Variants in REDIC1 observed in about 807,000 individuals in gnomAD.
REDIC1 encodes regulator of DNA class I crossover intermediates 1, also known as HEI10 Interacting Protein 1.
chr12:39,812,395 TCTC>T, the REDIC1 span, among the ~76,000 whole-genome samples: 4 of 148,630 alleles, frequency 2.7e-5, no homozygotes, highest in Admixed American at 1.3e-4. Context: ...TCTTTCTCTC[TCTC>T]TTTCTTCCTT....
the REDIC1 span, chr12:39,647,904 C>A: frequency 6.2e-7 from 1 of 1,607,020 alleles, no homozygotes; most frequent in Non-Finnish European, 8.5e-7. Flanking sequence ...AGACATATTT[C>A]AAAACTAAAT....
At chr12:39,834,803 C>A in the REDIC1 span, among the ~76,000 whole-genome samples, 5 of 151,986 alleles carry the variant, frequency 3.3e-5, 1 homozygote, top group African/African-American at 1.2e-4. Context: ...TATTTTATGG[C>A]AAAATTCTTC....
At chr12:39,678,012 C>G in the REDIC1 span, among the ~76,000 whole-genome samples, 1 of 152,084 alleles carries the variant, frequency 6.6e-6, no homozygotes. Flanking sequence ...AATAGACAAT[C>G]TAAGGTCACA....
chr12:39,792,571 C>T, the REDIC1 span, among the ~76,000 whole-genome samples: 3 of 152,132 alleles, frequency 2.0e-5, no homozygotes, highest in Non-Finnish European at 2.9e-5. Flanking sequence ...AAGCCTCTGC[C>T]AGGTGTGTAT....
At chr12:39,829,930 A>G in the REDIC1 span, 1 of 827,052 alleles carries the variant, frequency 1.2e-6, no homozygotes. Flanking sequence ...CTCTGTGTGA[A>G]ACACACAATT....
chr12:39,906,608 G>A, the REDIC1 span, among the ~76,000 whole-genome samples: 5 of 152,224 alleles, frequency 3.3e-5, no homozygotes, highest in East Asian at 9.6e-4. Context: ...TTTCTGTCCT[G>A]CTGGGTCTAT....
At chr12:39,665,829 G>T in the REDIC1 span, among the ~76,000 whole-genome samples, 2 of 152,072 alleles carry the variant, frequency 1.3e-5, no homozygotes, top group Non-Finnish European at 2.9e-5. Context: ...TATTCTCTTG[G>T]AAGCAATTGT....
chr12:39,809,247 A>G, the REDIC1 span, among the ~76,000 whole-genome samples: 122,875 of 152,092 alleles, frequency 0.81, 49,859 homozygotes, highest in Non-Finnish European at 0.85. Context: ...CTATTTCTGG[A>G]CTTTATTCTG....
At chr12:39,888,124 C>T in the REDIC1 span, among the ~76,000 whole-genome samples, 1 of 152,208 alleles carries the variant, frequency 6.6e-6, no homozygotes, top group Non-Finnish European at 1.5e-5. Context: ...AGTAACAGTG[C>T]CATCTGGGCA....
chr12:39,713,329 C>G, the REDIC1 span, among the ~76,000 whole-genome samples: 1 of 141,882 alleles, frequency 7.0e-6, no homozygotes, highest in South Asian at 2.2e-4. Context: ...TGTGTATACA[C>G]ATATACGTGT....
the REDIC1 span, chr12:39,626,232 G>T: frequency 5.5e-6 from 7 of 1,281,348 alleles, no homozygotes; most frequent in African/African-American, 1.5e-5. Context: ...GGGCCCTGAC[G>T]TTGTCAGGAG....
the REDIC1 span, among the ~76,000 whole-genome samples, chr12:39,767,518 A>G: frequency 6.6e-6 from 1 of 152,060 alleles, no homozygotes; most frequent in Non-Finnish European, 1.5e-5. Context: ...TCTCCTAACA[A>G]GAGACCCAGC....
At chr12:39,790,506 G>T in the REDIC1 span, among the ~76,000 whole-genome samples, 1 of 150,900 alleles carries the variant, frequency 6.6e-6, no homozygotes, top group South Asian at 2.1e-4. Flanking sequence ...TGCTGAGAAT[G>T]ATGGTTTCCA....
At chr12:39,713,346 G>T in the REDIC1 span, among the ~76,000 whole-genome samples, 1 of 117,956 alleles carries the variant, frequency 8.5e-6, no homozygotes, top group African/African-American at 3.2e-5. Context: ...GTGTATATAT[G>T]TGTATACACA....
the REDIC1 span, among the ~76,000 whole-genome samples, chr12:39,801,899 A>AT: frequency 5.3e-5 from 8 of 152,224 alleles, no homozygotes; most frequent in Admixed American, 5.2e-4. Flanking sequence ...CAAACTAATT[A>AT]TTGAACCAGG....
chr12:39,700,726 ACAGTG>A, the REDIC1 span, among the ~76,000 whole-genome samples: 2 of 151,914 alleles, frequency 1.3e-5, no homozygotes, highest in Non-Finnish European at 1.5e-5. Flanking sequence ...CATCAGACTA[ACAGTG>A]GATCTCTCAG....
At chr12:39,742,410 G>A in the REDIC1 span, among the ~76,000 whole-genome samples, 17 of 152,210 alleles carry the variant, frequency 1.1e-4, no homozygotes, top group East Asian at 5.8e-4. Flanking sequence ...TGAAGGCTGC[G>A]CTCTTGGCAC....
chr12:39,875,872 C>T, the REDIC1 span, among the ~76,000 whole-genome samples: 2 of 152,174 alleles, frequency 1.3e-5, no homozygotes, highest in Non-Finnish European at 2.9e-5. Flanking sequence ...ACTGAGTTTA[C>T]AATCTTCTAA....
At chr12:39,716,633 A>G in the REDIC1 span, 1 of 643,930 alleles carries the variant, frequency 1.6e-6, no homozygotes, top group African/African-American at 2.0e-5. Flanking sequence ...ATTTTGGTAC[A>G]TTTTAAAGTG....
Sources: allele counts gnomAD v4.1 joint callset (sites outside exome capture counted in the v4.1 genomes callset), GRCh38; gene constraint gnomAD v4.1.1; transcripts MANE v1.5; gene names NCBI Gene and HGNC (gene_info 2026-07-23, HGNC 2026-07-21).